The following TNFSF11 variants were observed in gnomAD, a reference collection of about 807,000 sequenced individuals.
The protein encoded by TNFSF11 is TNF superfamily member 11, also known as tumor necrosis factor ligand superfamily member 11.
TNFSF11 carries 12 observed loss-of-function variants against 32.2 expected under a neutral mutation model. The ratio of observed to expected loss-of-function variants is 0.37; its 90% CI spans 0.24 to 0.60. The LOEUF is 0.60. Ranked by LOEUF, TNFSF11 falls within the 20% of genes least tolerant of loss-of-function variation. The probability of loss-of-function intolerance (pLI) is 0.66; values close to 1 mark genes in which losing one functional copy is unlikely to be tolerated. For missense variants in TNFSF11, 345 were observed against 398.0 expected (o/e 0.87, Z 1.13); for synonymous variants, 172 against 152.1 (o/e 1.13, Z -0.96).
intron 2 of TNFSF11, among the ~76,000 whole-genome samples, chr13:42,582,766 A>G (rs1339003256): frequency 6.6e-6 from 1 of 152,198 alleles, no homozygotes; most frequent in Non-Finnish European, 1.5e-5. Flanking sequence ...AATTCTGTTA[A>G]TCTATTCATT....
intron 1 of TNFSF11, among the ~76,000 whole-genome samples, chr13:42,580,867 G>A (rs142015285): frequency 5.3e-5 from 8 of 152,090 alleles, no homozygotes; most frequent in Non-Finnish European, 1.0e-4. Flanking sequence ...CATGAATCAC[G>A]CACATACACT....
At chr13:42,578,860 T>C (rs996350144) in intron 1 of TNFSF11, among the ~76,000 whole-genome samples, 5 of 152,252 alleles carry the variant, frequency 3.3e-5, no homozygotes, top group Non-Finnish European at 4.4e-5. Flanking sequence ...TTTGTACTAA[T>C]TGATGTTACT....
At position 42,606,729 on chromosome 13, in the gene TNFSF11, G is replaced by C. The variant is rs999414831; in HGVS notation, c.765G>C (p.Leu255=). The C allele has an allele frequency of 1.2e-6, 2 of 1,614,202 alleles. No individual in the cohort carries two copies. Among genetic ancestry groups the C allele is most frequent in the Non-Finnish European group, 8.5e-7 (1 of 1,180,040 alleles). ...TSIKIPSSHT[L]MKGGSTKYWS... ...TCAAAATCCCAAGTTCTCATACCCT[G>C]ATGAAAGGAGGAAGCACCAAGTATT... Residue 255 remains leucine (L), a synonymous_variant, in exon 5 of 5, where the codon CTG becomes CTC. Transcript: ENST00000398795.
At chr13:42,584,869 G>A (rs966972563) in intron 2 of TNFSF11, among the ~76,000 whole-genome samples, 4 of 152,196 alleles carry the variant, frequency 2.6e-5, no homozygotes, top group African/African-American at 9.7e-5. Context: ...TCAGACACAA[G>A]TAATCCTTTT....
intron 4 of TNFSF11, among the ~76,000 whole-genome samples, chr13:42,601,329 G>T (rs1421733068): frequency 6.6e-6 from 1 of 152,208 alleles, no homozygotes; most frequent in Non-Finnish European, 1.5e-5. Flanking sequence ...TGACCTCAGA[G>T]GTGAATGAAT....
intron 1 of TNFSF11, among the ~76,000 whole-genome samples, chr13:42,575,789 A>T (rs947835659): frequency 6.6e-6 from 1 of 152,246 alleles, no homozygotes; most frequent in Admixed American, 6.5e-5. Flanking sequence ...TTCTAAAAAG[A>T]CAACTTTTGA....
intron 4 of TNFSF11, among the ~76,000 whole-genome samples, chr13:42,605,331 T>A (rs772923829): frequency 6.6e-6 from 1 of 152,256 alleles, no homozygotes; most frequent in Non-Finnish European, 1.5e-5. Context: ...TTCAAACTGC[T>A]GACCACCTTA....
chr13:42,577,150 G>A (rs566096642), intron 1 of TNFSF11, among the ~76,000 whole-genome samples: 12 of 152,184 alleles, frequency 7.9e-5, no homozygotes, highest in Non-Finnish European at 1.8e-4. Flanking sequence ...GTAGTTTACA[G>A]TTAAAAATGA....
intron 2 of TNFSF11, among the ~76,000 whole-genome samples, chr13:42,588,859 A>G (rs1277277734): frequency 6.6e-6 from 1 of 152,070 alleles, no homozygotes; most frequent in Non-Finnish European, 1.5e-5. Context: ...TGTGGTATGA[A>G]AGAGGTGGGT....
Position 42,574,457 on chromosome 13 carries a change from C to G in TNFSF11, c.154C>G (p.Leu52Val), listed in dbSNP as rs889679429. 2.7e-5 allele frequency: 43 copies of G among 1,608,624 alleles called. No individual in the cohort carries two copies. The highest frequency in any genetic ancestry group is 3.5e-5 in the Non-Finnish European group (41 of 1,179,692). Residue 52 changes from leucine (L) to valine (V), a missense_variant, in exon 1 of 5, where the codon CTC becomes GTC. By Grantham distance (32) the Leu-to-Val change is conservative (BLOSUM62 1). Transcript: ENST00000398795. ...CGCCTCCCGCTCCATGTTCGTGGCC[C>G]TCCTGGGGCTGGGGCTGGGCCAGGT... The part of the protein sequence containing the change: ...PAASRSMFVA[L>V]LGLGLGQVVC...
In TNFSF11 at chr13:42,607,025, C is replaced by T; in HGVS notation, c.*107C>T. On this transcript the variant is annotated 3_prime_UTR_variant, in exon 5 of 5. Transcript: ENST00000398795. ...GTGTGAGACTACTAAGAGGCATGGC[C>T]CCAACGGTACACGACTCAGTATCCA... 7.2e-7 allele frequency: 1 copy of T among 1,394,290 alleles called. No homozygotes were observed. Among genetic ancestry groups the T allele is most frequent in the South Asian group, 1.2e-5 (1 of 83,028 alleles). 86.4% of individuals were successfully genotyped at this position (1,394,290 alleles called of 1,614,324 possible). A position where few individuals can be genotyped will look rare whatever the true frequency, so the allele number is the denominator to read the frequency against.
chr13:42,583,417 T>TAAAAAAAAAAAAAAAGAAAAAAAAA (rs1873716937), intron 2 of TNFSF11, among the ~76,000 whole-genome samples: 1 of 24,644 alleles, frequency 4.1e-5, no homozygotes, highest in African/African-American at 1.9e-4. Flanking sequence ...AAGACCCTGC[T>TAAAAAAAAAAAAAAAGAAAAAAAAA]AAAAAAAAAA....
At chr13:42,592,429 A>G (rs1868539614) in intron 2 of TNFSF11, among the ~76,000 whole-genome samples, 1 of 152,100 alleles carries the variant, frequency 6.6e-6, no homozygotes, top group Non-Finnish European at 1.5e-5. Context: ...GGATCCACCC[A>G]ATGGAAGAGA....
chr13:42,604,414 G>A (rs1473274682), intron 4 of TNFSF11, among the ~76,000 whole-genome samples: 1 of 152,210 alleles, frequency 6.6e-6, no homozygotes, highest in Non-Finnish European at 1.5e-5. Flanking sequence ...TTATTGTGGT[G>A]AGCCCAGGAG....
Position 42,581,313 on chromosome 13 carries a change from G to A in TNFSF11, c.387+20G>A. The A allele has an allele frequency of 2.5e-6, 4 of 1,613,666 alleles. No individual in the cohort carries two copies. Among genetic ancestry groups the A allele is most frequent in the Non-Finnish European group, 3.4e-6 (4 of 1,179,716 alleles). On this transcript the variant is annotated intron_variant, in intron 2 of 4. Coordinates refer to ENST00000398795, the MANE Select transcript of TNFSF11 (RefSeq NM_003701.4). ...CAAAAGGTAAGTCCACATCGAGGCT[G>A]ATAAGTCAAGGGCCCTTGCTGACTC...
intron 2 of TNFSF11, among the ~76,000 whole-genome samples, chr13:42,599,349 C>CTATCATCTATCT (rs11385072): frequency 0.056 from 6,305 of 111,764 alleles, 211 homozygotes; most frequent in Admixed American, 0.062. Flanking sequence ...ATCTATCTAT[C>CTATCATCTATCT]ATCTATCTAT....
upstream of TNFSF11, chr13:42,571,462 G>A (rs193037175): frequency 1.5e-3 from 227 of 152,140 alleles, 1 homozygote; most frequent in African/African-American, 5.3e-3. Flanking sequence ...TCGACCTCCT[G>A]GGCTCAAACA....
rs371384532 is a variant in TNFSF11 at position 42,583,087 on chromosome 13, A to C, written c.387+1794A>C. Among the ~76,000 whole-genome samples the C allele has an allele frequency of 3.9e-5, 6 of 152,260 alleles. No homozygotes were observed. The East Asian group carries it at 7.7e-4, about 20-fold the overall frequency. ...CCTTATGGAAGAATAAGTATGGAAA[A>C]TCAGCCAAGTTAATTCTGAAAATAA... On this transcript the variant is annotated intron_variant, in intron 2 of 4. Coordinates refer to ENST00000398795, the MANE Select transcript of TNFSF11 (RefSeq NM_003701.4).
At chr13:42,570,617 T>C (rs1873027248), upstream of TNFSF11, among the ~76,000 whole-genome samples, 2 of 152,324 alleles carry the variant, frequency 1.3e-5, no homozygotes, top group South Asian at 4.1e-4. Context: ...GATTAGTTGA[T>C]ATATTGTTAA....
Sources: gnomAD v4.1 joint callset for allele counts (sites outside exome capture counted in the v4.1 genomes callset) on GRCh38, gnomAD v4.1.1 for gene constraint, MANE v1.5 for transcripts, NCBI Gene and HGNC (gene_info 2026-07-23, HGNC 2026-07-21) for gene names.